RNF216: variants seen among roughly 807,000 people sequenced by gnomAD.
RNF216 encodes the protein E3 ubiquitin-protein ligase RNF216.
In RNF216, 72 loss-of-function variants were observed where a neutral mutation model predicts 110.8. The ratio of observed to expected loss-of-function variants is 0.65; its 90% CI spans 0.54 to 0.79. The LOEUF is 0.79. RNF216 is among the 30% of genes least tolerant of loss of function. The probability of loss-of-function intolerance (pLI) is 0.00; values close to 1 mark genes in which losing one functional copy is unlikely to be tolerated. For missense variants in RNF216, 1,342 were observed against 1,141.2 expected, an observed-to-expected ratio of 1.18 and a Z score of -2.54; for synonymous variants, 495 against 407.5, an observed-to-expected ratio of 1.21 and a Z score of -2.59.
intron 15 of RNF216, among the ~76,000 whole-genome samples, chr7:5,635,961 C>T (rs1333018453): frequency 2.0e-5 from 3 of 152,196 alleles, no homozygotes; most frequent in African/African-American, 7.2e-5. Context: ...GACAAAGACA[C>T]TGTAGAAAAC....
intron 13 of RNF216, among the ~76,000 whole-genome samples, chr7:5,674,487 G>A (rs1790139134): frequency 6.6e-6 from 1 of 151,886 alleles, no homozygotes; most frequent in East Asian, 1.9e-4. Flanking sequence ...AAAAGGCCAG[G>A]TGTGGTGGCA....
intron 3 of RNF216, among the ~76,000 whole-genome samples, chr7:5,742,745 AC>A (rs1794834420): frequency 6.6e-6 from 1 of 151,554 alleles, no homozygotes. Flanking sequence ...ATAGGCGCAC[AC>A]CTCTACATCC....
At chr7:5,773,694 G>C (rs777576980) in intron 1 of RNF216, among the ~76,000 whole-genome samples, 1 of 152,058 alleles carries the variant, frequency 6.6e-6, no homozygotes, top group Non-Finnish European at 1.5e-5. Context: ...CAGCCTCCCT[G>C]AGTAGCTGGG....
In RNF216 at chr7:5,741,355, T is replaced by A. The variant is rs1379991554; in HGVS notation, c.662A>T (p.Asp221Val). Residue 221 changes from aspartate to valine, a missense_variant, in exon 4 of 17, where the codon GAT (aspartate) becomes GTT (valine). By Grantham distance (152) the Asp-to-Val change is radical. Coordinates refer to ENST00000389902, the MANE Select transcript of RNF216 (RefSeq NM_207111.4). ...NLGESAALAD[D>V]QAIEEDCWLD... ...CCAGCAGTCTTCTTCGATGGCCTGA[T>A]CATCTGCTAGAGCAGCTGACTCTCC... is the stretch of plus-strand genomic sequence containing the variant. The A allele has an allele frequency of 6.2e-7, 1 of 1,614,182 alleles. No individual in the cohort carries two copies. Among genetic ancestry groups the A allele is most frequent in the East Asian group, 2.2e-5 (1 of 44,882 alleles).
intron 5 of RNF216, among the ~76,000 whole-genome samples, chr7:5,736,649 G>A (rs1320744113): frequency 2.0e-5 from 3 of 150,098 alleles, no homozygotes; most frequent in Non-Finnish European, 3.0e-5. Flanking sequence ...GCCTCTTCCC[G>A]GCCACCATCC....
At chr7:5,734,108 C>T (rs1455811283) in intron 5 of RNF216, among the ~76,000 whole-genome samples, 3 of 152,030 alleles carry the variant, frequency 2.0e-5, no homozygotes, top group Non-Finnish European at 4.4e-5. Context: ...CAAACATAGC[C>T]AATAGGAAGG....
At chr7:5,749,149 ATTTTTTTT>A (rs71004700) in intron 3 of RNF216, among the ~76,000 whole-genome samples, 1 of 115,004 alleles carries the variant, frequency 8.7e-6, no homozygotes, top group Non-Finnish European at 1.9e-5. Flanking sequence ...ATGCCCATGT[ATTTTTTTT>A]TTTTTTTTTT....
chr7:5,781,363 G>A (rs1417953967), intron 1 of RNF216, among the ~76,000 whole-genome samples, 178 bp downstream of exon 1: 2 of 151,918 alleles, frequency 1.3e-5, no homozygotes, highest in Non-Finnish European at 2.9e-5. Context: ...GAGACGCCCA[G>A]CCCAGCCCCT....
At chr7:5,773,536 C>A (rs2128682456) in intron 1 of RNF216, among the ~76,000 whole-genome samples, 2 of 152,090 alleles carry the variant, frequency 1.3e-5, no homozygotes, top group South Asian at 4.2e-4. Flanking sequence ...CCACCACACC[C>A]AGCCAGATTT....
intron 13 of RNF216, among the ~76,000 whole-genome samples, chr7:5,705,499 C>G (rs1792222610): frequency 6.6e-6 from 1 of 152,196 alleles, no homozygotes; most frequent in Non-Finnish European, 1.5e-5. Context: ...TCAGGATGTG[C>G]TAGGTTATGC....
chr7:5,644,501 T>C (rs1199324242), intron 14 of RNF216, among the ~76,000 whole-genome samples: 1 of 151,990 alleles, frequency 6.6e-6, no homozygotes, highest in South Asian at 2.1e-4. Context: ...TCAATTGATA[T>C]TGTTTGCCCA....
chr7:5,728,170 C>G (rs1793872711), intron 7 of RNF216, among the ~76,000 whole-genome samples: 1 of 152,196 alleles, frequency 6.6e-6, no homozygotes, highest in Admixed American at 6.5e-5. Flanking sequence ...TCACCAAACT[C>G]CTATGTGGGT....
At chr7:5,658,171 C>T (rs6953970) in intron 13 of RNF216, among the ~76,000 whole-genome samples, 51,575 of 151,996 alleles carry the variant, frequency 0.34, 9,880 homozygotes, top group East Asian at 0.59. Context: ...GTAATCAGAA[C>T]CTCCATGCAA....
At chr7:5,673,904 A>C (rs1349630387) in intron 13 of RNF216, among the ~76,000 whole-genome samples, 3 of 131,792 alleles carry the variant, frequency 2.3e-5, no homozygotes, top group African/African-American at 9.1e-5. Flanking sequence ...TCTATCGCCC[A>C]GGCTGGTGTG....
At chr7:5,769,679 A>G (rs1411719192) in intron 1 of RNF216, among the ~76,000 whole-genome samples, 1 of 151,898 alleles carries the variant, frequency 6.6e-6, no homozygotes, top group Non-Finnish European at 1.5e-5. Context: ...AGCTAAGATC[A>G]CACCACTGTA....
chr7:5,723,016 G>C (rs369065974), intron 8 of RNF216, among the ~76,000 whole-genome samples: 11 of 152,156 alleles, frequency 7.2e-5, no homozygotes, highest in African/African-American at 2.4e-4. Context: ...CACGTGGTTA[G>C]ACAGTAAGCT....
At chr7:5,764,586 T>C (rs1796103467) in intron 1 of RNF216, among the ~76,000 whole-genome samples, 1 of 151,420 alleles carries the variant, frequency 6.6e-6, no homozygotes, top group Admixed American at 6.6e-5. Context: ...AGGCGGAGGT[T>C]GCAGTAGGCC....
chr7:5,630,362 T>G (rs1237741710), intron 15 of RNF216, among the ~76,000 whole-genome samples: 3 of 152,030 alleles, frequency 2.0e-5, no homozygotes, highest in African/African-American at 7.2e-5. Context: ...CAGGTTAGGG[T>G]GAGAAGCCAA....
In RNF216 at chr7:5,767,975, T is replaced by C. The variant is rs6972718; in HGVS notation, c.-69-6837A>G. Among the ~76,000 whole-genome samples the C allele has an allele frequency of 7.8e-3, 1,189 of 152,192 alleles. 16 individuals carry two copies. The highest frequency in any genetic ancestry group is 0.027 in the African/African-American group (1,119 of 41,546). On this transcript the variant is annotated intron_variant, in intron 1 of 16. Coordinates refer to ENST00000389902, the MANE Select transcript of RNF216 (RefSeq NM_207111.4). ...AACACTGAGCTTTCATCTAAGATCC[T>C]AGGAGAGCCAAATCTTAAGGGTTAA... is the stretch of plus-strand genomic sequence containing the variant.
Sources: allele counts gnomAD v4.1 joint callset (sites outside exome capture counted in the v4.1 genomes callset), GRCh38; gene constraint gnomAD v4.1.1; transcripts MANE v1.5; gene names NCBI Gene and HGNC (gene_info 2026-07-23, HGNC 2026-07-21).